The following XKR4 variants were observed in gnomAD, a reference collection of about 807,000 sequenced individuals.
XKR4 encodes the protein XK-related protein 4.
A neutral mutation model predicts 53.9 loss-of-function variants in XKR4; 12 were observed. That is an observed-to-expected ratio of 0.22 (90% CI 0.14 to 0.36). The LOEUF is 0.36. Ranked by LOEUF, XKR4 falls within the 10% of genes least tolerant of loss-of-function variation. The pLI is 1.00. For synonymous variants in XKR4, 354 were observed against 362.4 expected (o/e 0.98, Z 0.26); for missense variants, 799 against 859.5 (o/e 0.93, Z 0.88).
chr8:55,523,701 A>G lies in XKR4; in HGVS notation c.1427A>G (p.Tyr476Cys). ...LENTALSALW[Y>C]LYKAPQIADA... ...AATACAGCCTTGAGTGCCCTCTGGT[A>G]CCTCTACAAGGCTCCCCAGATTGCA... Residue 476 changes from tyrosine (Y) to cysteine (C), a missense_variant, in exon 3 of 3, where the codon TAC (tyrosine) becomes TGC (cysteine). Physicochemically the swap from Tyr to Cys is radical, Grantham distance 194. Coordinates refer to ENST00000327381, the MANE Select transcript of XKR4 (RefSeq NM_052898.2). 2.5e-6 allele frequency: 4 copies of G among 1,614,112 alleles called. No individual in the cohort carries two copies. The highest frequency in any genetic ancestry group is 3.4e-6 in the Non-Finnish European group (4 of 1,180,030).
intron 1 of XKR4, among the ~76,000 whole-genome samples, chr8:55,115,381 TACACACACAC>T (rs34839811): frequency 6.7e-6 from 1 of 149,612 alleles, no homozygotes; most frequent in African/African-American, 2.5e-5. Flanking sequence ...GATAGGTGCA[TACACACACAC>T]ACACACACAC....
chr8:55,388,014 G>A (rs532951331), intron 2 of XKR4, among the ~76,000 whole-genome samples: 1 of 152,214 alleles, frequency 6.6e-6, no homozygotes, highest in East Asian at 1.9e-4. Flanking sequence ...TTGTAAGTTA[G>A]GACAATTATC....
chr8:55,130,022 G>A (rs1816532881), intron 1 of XKR4, among the ~76,000 whole-genome samples: 1 of 152,122 alleles, frequency 6.6e-6, no homozygotes, highest in Non-Finnish European at 1.5e-5. Flanking sequence ...TGTGGGTAGA[G>A]CAGGATTACA....
rs371572565 is a variant in XKR4, at chr8:55,484,356, A to G, written c.1007-38925A>G. ...CTCATATTACCCTGACTCTACATGT[A>G]AAACAATGCAAAAAGAAAACTCCAG... On this transcript the variant is annotated intron_variant, in intron 2 of 2. Coordinates refer to ENST00000327381, the MANE Select transcript of XKR4 (RefSeq NM_052898.2). Among the ~76,000 whole-genome samples, 61 of 152,324 alleles carry G rather than the reference A, an allele frequency of 4.0e-4. 2 individuals are homozygous for G. In the South Asian group the frequency reaches 0.012, roughly 29 times the overall value.
At chr8:55,138,045 G>A (rs1816656334) in intron 1 of XKR4, among the ~76,000 whole-genome samples, 1 of 152,120 alleles carries the variant, frequency 6.6e-6, no homozygotes, top group Admixed American at 6.5e-5. Flanking sequence ...CTCACACAGT[G>A]AAGGAGCTGT....
intron 2 of XKR4, among the ~76,000 whole-genome samples, chr8:55,408,586 C>T (rs1317721153): frequency 2.6e-5 from 4 of 152,126 alleles, no homozygotes; most frequent in East Asian, 1.9e-4. Flanking sequence ...GAAGGGCTTC[C>T]GGACTATGTG....
chr8:55,275,674 G>A (rs1263401387), intron 1 of XKR4, among the ~76,000 whole-genome samples: 2 of 152,172 alleles, frequency 1.3e-5, no homozygotes, highest in African/African-American at 4.8e-5. Context: ...AGAAGATATT[G>A]CCTATACTCC....
intron 1 of XKR4, among the ~76,000 whole-genome samples, chr8:55,349,214 G>T (rs1436296867): frequency 6.6e-6 from 1 of 152,152 alleles, no homozygotes; most frequent in Non-Finnish European, 1.5e-5. Flanking sequence ...ATTCCCCAGA[G>T]TTCTGGAACT....
chr8:55,491,941 C>T (rs1006174808), intron 2 of XKR4, among the ~76,000 whole-genome samples: 1 of 152,138 alleles, frequency 6.6e-6, no homozygotes, highest in East Asian at 1.9e-4. Flanking sequence ...AAGAGGATGC[C>T]GATGCAGGTT....
intron 2 of XKR4, among the ~76,000 whole-genome samples, chr8:55,459,535 AG>A (rs1191506917): frequency 6.6e-6 from 1 of 152,172 alleles, no homozygotes; most frequent in Non-Finnish European, 1.5e-5. Context: ...TATCTAATAA[AG>A]GACTTGTGTC....
At chr8:55,107,938 T>G (rs961007985) in intron 1 of XKR4, among the ~76,000 whole-genome samples, 2 of 152,234 alleles carry the variant, frequency 1.3e-5, no homozygotes, top group African/African-American at 4.8e-5. Context: ...TGCTTGTTAC[T>G]AATTATTCCA....
At chr8:55,173,255 A>C (rs1209778837) in intron 1 of XKR4, among the ~76,000 whole-genome samples, 2 of 151,486 alleles carry the variant, frequency 1.3e-5, no homozygotes, top group African/African-American at 4.8e-5. Context: ...CGCACACTAA[A>C]GTCCGCTCCC....
At chr8:55,162,880 A>G (rs1036367966) in intron 1 of XKR4, among the ~76,000 whole-genome samples, 3 of 152,224 alleles carry the variant, frequency 2.0e-5, no homozygotes, top group South Asian at 4.1e-4. Context: ...ATTCTACAGA[A>G]TATCTGAATA....
At chr8:55,371,969 T>C (rs992736284) in intron 2 of XKR4, among the ~76,000 whole-genome samples, 5 of 152,234 alleles carry the variant, frequency 3.3e-5, no homozygotes, top group African/African-American at 1.2e-4. Flanking sequence ...CAAATCTTGG[T>C]ATTTTTCCAC....
At chr8:55,406,023 A>C (rs1420947580) in intron 2 of XKR4, among the ~76,000 whole-genome samples, 1 of 152,154 alleles carries the variant, frequency 6.6e-6, no homozygotes, top group East Asian at 1.9e-4. Flanking sequence ...AGTCTCAACC[A>C]ATTTGCAATT....
rs1369543205 is a variant in XKR4 at position 55,538,098 on chromosome 8, A to T, written c.*13871A>T. 2.6e-5 allele frequency: 4 copies of T among 152,190 alleles called. No homozygotes were observed. Among genetic ancestry groups the T allele is most frequent in the African/African-American group, 9.7e-5 (4 of 41,436 alleles). The allele number at this position is 152,190 out of a possible 1,614,324, so 9.4% of individuals were successfully genotyped here. On this transcript the variant is annotated 3_prime_UTR_variant, in exon 3 of 3. Transcript: ENST00000327381. ...ACTTAAATATGTTATTCTACAAAACAATATCCTTTTACACTATGGGATGGA... is the reference window on the plus strand; with the variant it reads ...ACTTAAATATGTTATTCTACAAAACTATATCCTTTTACACTATGGGATGGA...
rs564970565 is a variant in XKR4 at position 55,200,458 on chromosome 8, T to C, written c.806+97164T>C. ...CAAATACAGTTACATATTCAGAACTTTTGGTGGATAATTTAGGCAATCCTA... is the reference window on the plus strand; with the variant it reads ...CAAATACAGTTACATATTCAGAACTCTTGGTGGATAATTTAGGCAATCCTA... On this transcript the variant is annotated intron_variant, in intron 1 of 2. Coordinates refer to ENST00000327381, the MANE Select transcript of XKR4 (RefSeq NM_052898.2). Among the ~76,000 whole-genome samples, 24 of 152,318 alleles carry C rather than the reference T, an allele frequency of 1.6e-4. No homozygotes were observed. In the South Asian group the frequency reaches 3.7e-3, roughly 24 times the overall value.
At chr8:55,124,948 A>G (rs2129352378) in intron 1 of XKR4, among the ~76,000 whole-genome samples, 1 of 152,330 alleles carries the variant, frequency 6.6e-6, no homozygotes, top group East Asian at 1.9e-4. Context: ...TGCTTGAAAT[A>G]TTACATTTGA....
intron 2 of XKR4, among the ~76,000 whole-genome samples, chr8:55,470,875 T>C (rs2975963): frequency 0.4 from 61,014 of 151,986 alleles, 13,079 homozygotes; most frequent in East Asian, 0.53. Context: ...CTATTAAATA[T>C]TTCAGCCAAG....
Sources: allele counts gnomAD v4.1 joint callset (sites outside exome capture counted in the v4.1 genomes callset), GRCh38; gene constraint gnomAD v4.1.1; transcripts MANE v1.5; gene names NCBI Gene and HGNC (gene_info 2026-07-23, HGNC 2026-07-21).